GNG12: variants seen among roughly 807,000 people sequenced by gnomAD.
GNG12 encodes the protein G protein subunit gamma 12, also known as guanine nucleotide-binding protein G(I)/G(S)/G(O) subunit gamma-12.
For synonymous variants in GNG12, 28 were observed against 29.7 expected (o/e 0.94, Z 0.19); for missense variants, 69 against 83.8 (o/e 0.82, Z 0.69).
intron 2 of GNG12, among the ~76,000 whole-genome samples, chr1:67,710,915 G>A (rs571899327): frequency 1.3e-5 from 2 of 152,218 alleles, no homozygotes; most frequent in South Asian, 4.1e-4. Context: ...GAGAATAAAT[G>A]GGTAGGACAG....
At chr1:67,833,306 AC>A (rs1647063701) in intron 1 of GNG12, 37 bp downstream of exon 1, 1 of 822,330 alleles carries the variant, frequency 1.2e-6, no homozygotes, top group Non-Finnish European at 1.5e-6. Context: ...CCCCGCGGGG[AC>A]CCGACTCACC....
At chr1:67,818,025 A>C (rs553760225) in intron 1 of GNG12, among the ~76,000 whole-genome samples, 1 of 152,208 alleles carries the variant, frequency 6.6e-6, no homozygotes, top group East Asian at 1.9e-4. Context: ...GGGCTCAAGC[A>C]ATCCTCTTAC....
rs1331000448 is a variant in GNG12 at position 67,788,186 on chromosome 1, A to G, written c.-76-10679T>C. Among the ~76,000 whole-genome samples the G allele has an allele frequency of 2.0e-5, 3 of 152,150 alleles. No homozygotes were observed. The East Asian group carries it at 5.8e-4, about 29-fold the overall frequency. On this transcript the variant is annotated intron_variant, in intron 1 of 3. Coordinates refer to ENST00000370982, the MANE Select transcript of GNG12 (RefSeq NM_018841.6). ...TATTTGCAAAGCAAAAGCCTAGCTG[A>G]GGGCTTAGTGATTACTATCTGTGTG...
chr1:67,707,410 T>C (rs1570472216), intron 3 of GNG12, among the ~76,000 whole-genome samples, 184 bp downstream of exon 3: 1 of 152,184 alleles, frequency 6.6e-6, no homozygotes, highest in South Asian at 2.1e-4. Context: ...GCAGACACTT[T>C]TGAAGTGAGG....
At chr1:67,776,290 T>G (rs1201980065) in intron 2 of GNG12, among the ~76,000 whole-genome samples, 3 of 152,170 alleles carry the variant, frequency 2.0e-5, no homozygotes, top group Non-Finnish European at 4.4e-5. Flanking sequence ...CACTCCATGC[T>G]CTTCTCATTC....
intron 2 of GNG12, among the ~76,000 whole-genome samples, chr1:67,728,861 T>A (rs1646402475): frequency 6.6e-6 from 1 of 152,230 alleles, no homozygotes; most frequent in Non-Finnish European, 1.5e-5. Flanking sequence ...GGGAAGGGTA[T>A]GACAGCAAGT....
chr1:67,730,920 T>A lies in GNG12; in HGVS notation c.-26-23208A>T, dbSNP rs573856229. ...CCCCTAAGGGGTCCAGATATTCCTA[T>A]GAAATGTTGTGGTAATATACATTTT... On this transcript the variant is annotated intron_variant, in intron 2 of 3. Coordinates refer to ENST00000370982, the MANE Select transcript of GNG12 (RefSeq NM_018841.6). 7.4e-4 allele frequency among the ~76,000 whole-genome samples: 112 copies of A among 152,298 alleles called. No individual in the cohort carries two copies. In the Middle Eastern group the frequency reaches 0.031, roughly 42 times the overall value.
intron 1 of GNG12, among the ~76,000 whole-genome samples, chr1:67,830,326 T>G (rs1237490688): frequency 6.6e-6 from 1 of 152,286 alleles, no homozygotes; most frequent in South Asian, 2.1e-4. Context: ...TTTAAAAAAT[T>G]TTTTAGATTT....
chr1:67,745,896 C>G (rs914243269), intron 2 of GNG12, among the ~76,000 whole-genome samples: 2 of 152,152 alleles, frequency 1.3e-5, no homozygotes, highest in African/African-American at 4.8e-5. Context: ...TGTCTATATC[C>G]CTGCAACTGT....
intron 1 of GNG12, among the ~76,000 whole-genome samples, chr1:67,783,703 T>A (rs1444689466): frequency 1.3e-5 from 2 of 152,194 alleles, no homozygotes; most frequent in Admixed American, 1.3e-4. Flanking sequence ...CAGCCAAAAA[T>A]CACATGAAAA....
intron 1 of GNG12, among the ~76,000 whole-genome samples, chr1:67,801,953 AG>A (rs1646868358): frequency 1.4e-5 from 2 of 146,048 alleles, no homozygotes; most frequent in Non-Finnish European, 3.0e-5. Context: ...AAAAGAAGGA[AG>A]GGGGGTGAGG....
intron 1 of GNG12, among the ~76,000 whole-genome samples, chr1:67,816,195 C>T (rs1557626334): frequency 6.6e-6 from 1 of 152,088 alleles, no homozygotes. Flanking sequence ...TTGAGCTTTC[C>T]TCAAGTCAAG....
intron 2 of GNG12, among the ~76,000 whole-genome samples, chr1:67,709,987 GTTATATATATAGTTATATATA>G (rs1646277879): frequency 1.1e-4 from 2 of 18,228 alleles, no homozygotes; most frequent in Non-Finnish European, 1.9e-4. Context: ...TATATATATA[GTTATATATATAGTTATATATA>G]TAGTTATATA....
chr1:67,791,558 T>C (rs1261105238), intron 1 of GNG12, among the ~76,000 whole-genome samples: 1 of 152,150 alleles, frequency 6.6e-6, no homozygotes, highest in Non-Finnish European at 1.5e-5. Flanking sequence ...TTCATGCCCT[T>C]GTTCAAGTCA....
intron 2 of GNG12, among the ~76,000 whole-genome samples, chr1:67,716,272 A>G (rs1418333865): frequency 1.3e-5 from 2 of 152,218 alleles, no homozygotes; most frequent in African/African-American, 4.8e-5. Flanking sequence ...CTGTAAAAAC[A>G]GCAGGCTTTC....
intron 2 of GNG12, among the ~76,000 whole-genome samples, chr1:67,762,662 T>A (rs1238594566): frequency 6.6e-6 from 1 of 152,204 alleles, no homozygotes; most frequent in Non-Finnish European, 1.5e-5. Context: ...TTTTTGAGCA[T>A]TAGCGTTTAT....
rs975973644 is a variant in GNG12 at position 67,703,742 on chromosome 1, A to T, written c.*1709T>A. ...GAGGGGCATTCATAAGGCTGAGTAG[A>T]TAGCAACTTGGAGAAATACTGAATA... On this transcript the variant is annotated 3_prime_UTR_variant, in exon 4 of 4. Coordinates refer to ENST00000370982, the MANE Select transcript of GNG12 (RefSeq NM_018841.6). 2.6e-5 allele frequency: 4 copies of T among 152,228 alleles called. No individual in the cohort carries two copies. Among genetic ancestry groups the T allele is most frequent in the Admixed American group, 2.6e-4 (4 of 15,280 alleles). The allele number at this position is 152,228 out of a possible 1,614,324, so 9.4% of individuals were successfully genotyped here. A position where few individuals can be genotyped will look rare whatever the true frequency, so the allele number is the denominator to read the frequency against.
At chr1:67,772,195 A>C (rs1009980032) in intron 2 of GNG12, among the ~76,000 whole-genome samples, 1 of 152,226 alleles carries the variant, frequency 6.6e-6, no homozygotes, top group Non-Finnish European at 1.5e-5. Flanking sequence ...TTTTGCAAAT[A>C]ATGACAGAAG....
chr1:67,818,413 G>GTTTTTTTTT (rs1163831257), intron 1 of GNG12, among the ~76,000 whole-genome samples: 2 of 83,900 alleles, frequency 2.4e-5, no homozygotes, highest in Non-Finnish European at 4.5e-5. Flanking sequence ...AAGACCAGGG[G>GTTTTTTTTT]TTTTTTTTTT....
Sources: allele counts gnomAD v4.1 joint callset (sites outside exome capture counted in the v4.1 genomes callset), GRCh38; gene constraint gnomAD v4.1.1; transcripts MANE v1.5; gene names NCBI Gene and HGNC (gene_info 2026-07-23, HGNC 2026-07-21).